EVC2: variants seen among roughly 807,000 people sequenced by gnomAD.
The protein encoded by EVC2 is limbin.
In EVC2, 148 loss-of-function variants were observed where a neutral mutation model predicts 149.3. The ratio of observed to expected loss-of-function variants is 0.99; its 90% CI spans 0.87 to 1.14. The LOEUF (loss-of-function observed/expected upper bound fraction) is 1.14. Among genes scored for constraint, EVC2 ranks in the 50% most tolerant of loss-of-function variants. The pLI, the probability that EVC2 is intolerant of heterozygous loss-of-function variation, is 0.00. For synonymous variants in EVC2, 776 were observed against 649.9 expected (o/e 1.19, Z -2.95); for missense variants, 1,854 against 1,627.3 (o/e 1.14, Z -2.40).
intron 7 of EVC2, among the ~76,000 whole-genome samples, chr4:5,678,624 T>C (rs1474848401): frequency 6.6e-6 from 1 of 152,206 alleles, no homozygotes; most frequent in Non-Finnish European, 1.5e-5. Flanking sequence ...TCTAGCCTAC[T>C]ACACACCTAA....
chr4:5,680,667 T>G (rs1720279710), intron 7 of EVC2, among the ~76,000 whole-genome samples: 1 of 152,174 alleles, frequency 6.6e-6, no homozygotes, highest in Non-Finnish European at 1.5e-5. Flanking sequence ...ATGGCAGAGA[T>G]TTTAAAATAG....
chr4:5,682,897 A>C (rs1433892308), intron 6 of EVC2, among the ~76,000 whole-genome samples: 1 of 151,630 alleles, frequency 6.6e-6, no homozygotes, highest in African/African-American at 2.4e-5. Flanking sequence ...TGGGACTTAG[A>C]GCTTGCAGCC....
intron 20 of EVC2, among the ~76,000 whole-genome samples, chr4:5,565,598 A>C (rs942911897): frequency 2.7e-5 from 4 of 150,876 alleles, no homozygotes; most frequent in Non-Finnish European, 5.9e-5. Context: ...GCTTGAACCC[A>C]GGAGGCGGAG....
intron 4 of EVC2, among the ~76,000 whole-genome samples, chr4:5,690,663 A>G (rs554931969): frequency 1.0e-3 from 152 of 152,166 alleles, no homozygotes; most frequent in Non-Finnish European, 1.7e-3. Context: ...TATTGCTGGG[A>G]GAACTAAGCT....
At chr4:5,646,570 T>A (rs1422322633) in intron 9 of EVC2, among the ~76,000 whole-genome samples, 1 of 152,246 alleles carries the variant, frequency 6.6e-6, no homozygotes. Flanking sequence ...ATTCTGTTAC[T>A]CTGACATAAA....
At chr4:5,612,922 CAAAAAAAAAAAA>C (rs34505528) in intron 16 of EVC2, among the ~76,000 whole-genome samples, 24 of 26,816 alleles carry the variant, frequency 8.9e-4, no homozygotes, top group Non-Finnish European at 1.4e-3. Context: ...ACTCTGTCTC[CAAAAAAAAAAAA>C]AAAAAAAAAA....
intron 9 of EVC2, among the ~76,000 whole-genome samples, chr4:5,647,126 C>T (rs12646747): frequency 2.0e-5 from 3 of 152,044 alleles, no homozygotes; most frequent in Non-Finnish European, 4.4e-5. Flanking sequence ...AATGCCCCCC[C>T]AGACAGTGGT....
intron 9 of EVC2, among the ~76,000 whole-genome samples, chr4:5,641,595 CTG>C (rs1409491312): frequency 5.3e-5 from 8 of 152,090 alleles, no homozygotes; most frequent in Non-Finnish European, 8.8e-5. Context: ...TACCCTTAAA[CTG>C]TGTGAATTTT....
chr4:5,683,659 G>C (rs1720496822), intron 6 of EVC2, among the ~76,000 whole-genome samples: 2 of 152,138 alleles, frequency 1.3e-5, no homozygotes, highest in Admixed American at 6.5e-5. Context: ...AAAGTAACAG[G>C]CGGGACTATT....
At chr4:5,605,082 C>G (rs1031237351) in intron 16 of EVC2, among the ~76,000 whole-genome samples, 18 of 152,132 alleles carry the variant, frequency 1.2e-4, no homozygotes, top group African/African-American at 4.3e-4. Context: ...ATTTTCTTTT[C>G]CCTAGCTTAC....
At chr4:5,578,662 G>A (rs1723078319) in intron 17 of EVC2, among the ~76,000 whole-genome samples, 1 of 151,496 alleles carries the variant, frequency 6.6e-6, no homozygotes, top group African/African-American at 2.4e-5. Flanking sequence ...TGGATGGAGG[G>A]AGGGAAAAGG....
intron 1 of EVC2, among the ~76,000 whole-genome samples, chr4:5,700,974 T>C (rs1014164656): frequency 6.6e-6 from 1 of 152,264 alleles, no homozygotes; most frequent in East Asian, 1.9e-4. Context: ...TATTCTCTGA[T>C]AGTTCTAGAA....
chr4:5,682,490 C>CAAAA (rs772121177), intron 6 of EVC2, among the ~76,000 whole-genome samples: 1 of 141,848 alleles, frequency 7.0e-6, no homozygotes, highest in African/African-American at 2.7e-5. Context: ...AATGCTGTCT[C>CAAAA]AAAAAAAAAA....
rs1418042705 is a variant in EVC2 at position 5,677,878 on chromosome 4, C to G, written c.870+3382G>C. On this transcript the variant is annotated intron_variant, in intron 7 of 21. Coordinates refer to ENST00000344408, the MANE Select transcript of EVC2 (RefSeq NM_147127.5). The surrounding 1 kb of genome is among the most constrained non-coding windows in gnomAD (Gnocchi z 4.3). ...CACCCGACAGCCTCACTAAACTGAA[C>G]ACTCACCTAACGCCAGCCTTGTACT... 6.6e-6 allele frequency among the ~76,000 whole-genome samples: 1 copy of G among 152,218 alleles called. No individual in the cohort carries two copies. The highest frequency in any genetic ancestry group is 1.9e-4 in the East Asian group (1 of 5,184).
intron 16 of EVC2, among the ~76,000 whole-genome samples, chr4:5,599,284 T>C (rs6828867): frequency 0.69 from 104,295 of 150,182 alleles, 37,060 homozygotes; most frequent in East Asian, 0.86. Context: ...ATGTTGATTG[T>C]GGCACTATTC....
At chr4:5,629,182 CAAG>C (rs1008378990) in intron 11 of EVC2, among the ~76,000 whole-genome samples, 20 of 152,146 alleles carry the variant, frequency 1.3e-4, no homozygotes, top group African/African-American at 3.6e-4. Context: ...ACAAAGAAAG[CAAG>C]AAGGTTTTTC....
At chr4:5,692,894 A>AAG (rs1721219119) in intron 3 of EVC2, among the ~76,000 whole-genome samples, 2 of 144,252 alleles carry the variant, frequency 1.4e-5, no homozygotes. Flanking sequence ...AAAAAAAGAA[A>AAG]AAAGAAAATT....
rs974034128 is a variant in EVC2 at position 5,567,264 on chromosome 4, C to T, written c.3557+1180G>A. 1.3e-5 allele frequency among the ~76,000 whole-genome samples: 2 copies of T among 152,184 alleles called. No individual in the cohort carries two copies. Among genetic ancestry groups the T allele is most frequent in the Non-Finnish European group, 2.9e-5 (2 of 68,030 alleles). The stretch of plus-strand genomic sequence containing the variant: ...CGACACTGTGGCCTCCTGCCCACAC[C>T]CGCAGATGTTCCCTCTTCCCCACCC... On this transcript the variant is annotated intron_variant, in intron 20 of 21. Coordinates refer to ENST00000344408, the MANE Select transcript of EVC2 (RefSeq NM_147127.5). The surrounding 1 kb of genome is among the most constrained non-coding windows in gnomAD (Gnocchi z 4.4).
At chr4:5,537,442 C>G in the EVC2 span, among the ~76,000 whole-genome samples, 1 of 152,184 alleles carries the variant, frequency 6.6e-6, no homozygotes, top group African/African-American at 2.4e-5. Context: ...ACCAGCCAGA[C>G]TTGAAGACTT....
Sources: allele counts gnomAD v4.1 joint callset (sites outside exome capture counted in the v4.1 genomes callset), GRCh38; gene constraint gnomAD v4.1.1; non-coding constraint Gnocchi (gnomAD v3.1); transcripts MANE v1.5; gene names NCBI Gene and HGNC (gene_info 2026-07-23, HGNC 2026-07-21).